The following DENND11 variants were observed in gnomAD, a reference collection of about 807,000 sequenced individuals.
The protein encoded by DENND11 is DENN domain containing 11.
A neutral mutation model predicts 49.2 loss-of-function variants in DENND11; 34 were observed. That is an observed-to-expected ratio of 0.69 (90% CI 0.53 to 0.92). The LOEUF is 0.92. Ranked by LOEUF, DENND11 falls within the 40% of genes least tolerant of loss-of-function variation. The pLI is 0.00. For synonymous variants in DENND11, 238 were observed against 230.3 expected (o/e 1.03, Z -0.30); for missense variants, 475 against 581.6 (o/e 0.82, Z 1.88).
chr7:141,662,715 G>C lies in DENND11; in HGVS notation c.1309C>G (p.Leu437Val). 1 of 1,610,482 alleles carries C rather than the reference G, an allele frequency of 6.2e-7. No individual in the cohort carries two copies. The change falls in exon 9 of 9, where the codon CTG becomes GTG. Residue 437 changes from leucine to valine, a missense_variant. Physicochemically the swap from Leu to Val is conservative, Grantham distance 32. Transcript: ENST00000536163. ...ACATCAATGCCATAGGCCTCCAGCA[G>C]GTCCAGGAGAAAGCTCCGGTCTCCT... Reference protein sequence around the residue: ...PQGDRSFLLDLLEAYGIDVML... With the variant: ...PQGDRSFLLDVLEAYGIDVML...
rs76280623 is a variant in DENND11 at position 141,664,072 on chromosome 7, G to A, written c.1172+100C>T. The A allele has an allele frequency of 1.8e-4, 182 of 1,000,258 alleles. No homozygotes were observed. The East Asian group carries it at 4.5e-3, about 25-fold the overall frequency. The allele number at this position is 1,000,258 out of a possible 1,614,324, so 62.0% of individuals were successfully genotyped here. A position where few individuals can be genotyped will look rare whatever the true frequency, so the allele number is the denominator to read the frequency against. On this transcript the variant is annotated intron_variant, in intron 8 of 8. Transcript: ENST00000536163. ...CTAAGTGCCCTTGGCAGCAATAAACGGCATCCCTGGCCCGCAGTGAATGAC... is the reference window on the plus strand; with the variant it reads ...CTAAGTGCCCTTGGCAGCAATAAACAGCATCCCTGGCCCGCAGTGAATGAC...
chr7:141,694,410 G>A lies in DENND11; in HGVS notation c.268+7476C>T, dbSNP rs193137402. Among the ~76,000 whole-genome samples, 764 of 152,062 alleles carry A rather than the reference G, an allele frequency of 5.0e-3. 11 individuals carry two copies. The highest frequency in any genetic ancestry group is 0.017 in the African/African-American group (713 of 41,442). ...CAAACAGCTGGGACTACAGGTATGCGCCACCATGCCGGGCTAATTTTTTAA... is the reference window on the plus strand; with the variant it reads ...CAAACAGCTGGGACTACAGGTATGCACCACCATGCCGGGCTAATTTTTTAA... On this transcript the variant is annotated intron_variant, in intron 1 of 8. Coordinates refer to ENST00000536163, the MANE Select transcript of DENND11 (RefSeq NM_001080392.2).
intron 5 of DENND11, 50 bp downstream of exon 5, chr7:141,666,237 T>A (rs750535907): frequency 6.5e-7 from 1 of 1,527,374 alleles, no homozygotes; most frequent in Admixed American, 1.9e-5. Flanking sequence ...ACTCAAGCAG[T>A]TTCTGCTCCA....
At chr7:141,683,326 C>G (rs1798176813) in intron 3 of DENND11, among the ~76,000 whole-genome samples, 1 of 152,146 alleles carries the variant, frequency 6.6e-6, no homozygotes. Context: ...CCAGAACATA[C>G]TGATATGAAC....
chr7:141,685,838 G>T (rs1361368236), intron 2 of DENND11, among the ~76,000 whole-genome samples: 1 of 152,178 alleles, frequency 6.6e-6, no homozygotes, highest in African/African-American at 2.4e-5. Context: ...GCTGGAGCTG[G>T]GACTTAGTCC....
chr7:141,677,961 CTTTT>C (rs796426020), intron 3 of DENND11, among the ~76,000 whole-genome samples: 4 of 146,222 alleles, frequency 2.7e-5, no homozygotes, highest in African/African-American at 7.5e-5. Flanking sequence ...CCTCAATAAT[CTTTT>C]TTTTTTTTTC....
At chr7:141,675,437 G>GAA (rs1477065384) in intron 3 of DENND11, among the ~76,000 whole-genome samples, 1 of 152,110 alleles carries the variant, frequency 6.6e-6, no homozygotes, top group Non-Finnish European at 1.5e-5. Flanking sequence ...ATTGAGGGAG[G>GAA]AATAAAAAGC....
intron 1 of DENND11, among the ~76,000 whole-genome samples, chr7:141,694,108 A>G (rs887938136): frequency 6.6e-6 from 1 of 152,204 alleles, no homozygotes; most frequent in Admixed American, 6.5e-5. Context: ...CTTTCTGCTC[A>G]ATTTTTCTGT....
At chr7:141,677,672 A>G (rs963420494) in intron 3 of DENND11, among the ~76,000 whole-genome samples, 3 of 151,846 alleles carry the variant, frequency 2.0e-5, no homozygotes, top group South Asian at 2.1e-4. Context: ...TAAATTGTAC[A>G]TTGTACACAT....
At chr7:141,677,956 A>G (rs1184427141) in intron 3 of DENND11, among the ~76,000 whole-genome samples, 1 of 152,062 alleles carries the variant, frequency 6.6e-6, no homozygotes, top group Non-Finnish European at 1.5e-5. Context: ...AATGACCTCA[A>G]TAATCTTTTT....
chr7:141,693,532 C>T (rs1798360446), intron 1 of DENND11, among the ~76,000 whole-genome samples: 1 of 152,136 alleles, frequency 6.6e-6, no homozygotes, highest in East Asian at 1.9e-4. Flanking sequence ...CCACACAAAA[C>T]CTGCACACAG....
chr7:141,691,521 C>T (rs992375923), intron 1 of DENND11, among the ~76,000 whole-genome samples: 2 of 152,146 alleles, frequency 1.3e-5, no homozygotes, highest in Admixed American at 6.5e-5. Flanking sequence ...TCTGTGCCTA[C>T]CAAATCTAAT....
chr7:141,663,049 G>T (rs183108252), intron 8 of DENND11, 198 bp from the exon 9 acceptor site: 1 of 466,054 alleles, frequency 2.1e-6, no homozygotes, highest in Non-Finnish European at 3.7e-6. Context: ...AAACCATTTG[G>T]CATTAATTAT....
At position 141,684,552 on chromosome 7, in the gene DENND11, T is replaced by C. The variant is rs529869034; in HGVS notation, c.527+926A>G. The stretch of plus-strand genomic sequence containing the variant: ...TATATGAGAGGATTTTTAAAAATCC[T>C]CTGTACTTTCATATAAATTTTTAAA... On this transcript the variant is annotated intron_variant, in intron 3 of 8. Transcript: ENST00000536163. 3.3e-5 allele frequency among the ~76,000 whole-genome samples: 5 copies of C among 152,294 alleles called. No individual in the cohort carries two copies. The South Asian group carries it at 1.0e-3, about 32-fold the overall frequency.
At chr7:141,701,053 C>G (rs1009931188) in intron 1 of DENND11, among the ~76,000 whole-genome samples, 3 of 152,088 alleles carry the variant, frequency 2.0e-5, no homozygotes, top group Admixed American at 1.3e-4. Context: ...CCCTAGCTGA[C>G]CCTCCAAGGC....
rs375969927 is a variant in DENND11 at position 141,672,068 on chromosome 7, G to C, written c.681+1999C>G. 7.7e-4 allele frequency among the ~76,000 whole-genome samples: 117 copies of C among 152,356 alleles called. 1 individual carries two copies. Among genetic ancestry groups the C allele is most frequent in the African/African-American group, 2.7e-3 (113 of 41,586 alleles). ...TCCAGCCTCCAGCTTTCCTTAGCAT[G>C]CACAGCACACGTGGAGCCACACCTC... On this transcript the variant is annotated intron_variant, in intron 4 of 8. Coordinates refer to ENST00000536163, the MANE Select transcript of DENND11 (RefSeq NM_001080392.2).
At chr7:141,666,460 G>A (rs773466430) in intron 4 of DENND11, 35 bp from the exon 5 acceptor site, 2 of 1,523,754 alleles carry the variant, frequency 1.3e-6, no homozygotes, top group Non-Finnish European at 1.8e-6. Context: ...AGGAGAAAGA[G>A]TGAGGAACAG....
chr7:141,669,967 C>T (rs1041884365), intron 4 of DENND11, among the ~76,000 whole-genome samples: 4 of 151,198 alleles, frequency 2.6e-5, no homozygotes, highest in African/African-American at 7.3e-5. Context: ...CCCGCCACCT[C>T]GCCCGGCTAA....
chr7:141,669,809 ATTTTTTTTTTT>A (rs72053527), intron 4 of DENND11, among the ~76,000 whole-genome samples: 1 of 116,272 alleles, frequency 8.6e-6, no homozygotes, highest in African/African-American at 3.2e-5. Context: ...CATACATGCT[ATTTTTTTTTTT>A]TTTTTTTTTG....
Sources: allele counts gnomAD v4.1 joint callset (sites outside exome capture counted in the v4.1 genomes callset), GRCh38; gene constraint gnomAD v4.1.1; transcripts MANE v1.5; gene names NCBI Gene and HGNC (gene_info 2026-07-23, HGNC 2026-07-21).